The following NUTM1 variants were observed in gnomAD, a reference collection of about 807,000 sequenced individuals.
The protein encoded by NUTM1 is NUT family member 1.
NUTM1 carries 39 observed loss-of-function variants against 88.7 expected under a neutral mutation model. The observed-to-expected ratio is 0.44, with a 90% CI of 0.34 to 0.57. The LOEUF (loss-of-function observed/expected upper bound fraction) is 0.57, where lower values mean the gene tolerates loss of function less well. NUTM1 is among the 20% of genes least tolerant of loss of function. The probability of loss-of-function intolerance (pLI) is 0.01; values close to 1 mark genes in which losing one functional copy is unlikely to be tolerated. For missense variants in NUTM1, 1,350 were observed against 1,414.5 expected (o/e 0.95, Z 0.73); for synonymous variants, 494 against 538.0 (o/e 0.92, Z 1.13).
Position 34,343,382 on chromosome 15 carries a change from A to G in NUTM1, c.-315A>G. 1 of 607,786 alleles carries G rather than the reference A, an allele frequency of 1.6e-6. No individual in the cohort carries two copies. Among genetic ancestry groups the G allele is most frequent in the Non-Finnish European group, 2.9e-6 (1 of 345,330 alleles). 37.6% of individuals were successfully genotyped at this position (607,786 alleles called of 1,614,324 possible). ...GGATGTGGATAGAATATTGACGTAT[A>G]GAAGCCTGTCTTTGTCTCAAGATAC... On this transcript the variant is annotated 5_prime_UTR_variant, in exon 1 of 8. It adds an upstream start codon to the 5' untranslated region. Coordinates refer to ENST00000537011, the MANE Select transcript of NUTM1 (RefSeq NM_001284292.2).
intron 4 of NUTM1, among the ~76,000 whole-genome samples, chr15:34,352,574 G>A (rs1030058824): frequency 1.3e-5 from 2 of 151,274 alleles, no homozygotes; most frequent in African/African-American, 2.4e-5. Context: ...TGAGGCGGGC[G>A]GATCATGAAG....
In NUTM1 at chr15:34,355,876, T is replaced by C. The variant is rs985686071; in HGVS notation, c.1868T>C (p.Leu623Pro). 2.5e-6 allele frequency: 4 copies of C among 1,613,620 alleles called. No individual in the cohort carries two copies. The African/African-American group carries it at 5.3e-5, about 22-fold the overall frequency. The change falls in exon 8 of 8, where the codon CTA (leucine) becomes CCA (proline). Residue 623 changes from leucine (L) to proline (P), a missense_variant. Physicochemically the swap from Leu to Pro is moderately conservative, Grantham distance 98. Around this residue, in one of 5 missense-constraint regions of NUTM1, gnomAD observed 730 missense variants for 728.8 expected, o/e 1.00. Transcript: ENST00000537011. This position sits in a 1 kb window ranked among gnomAD's most constrained non-coding sequence, Gnocchi z 4.3. ...GSGKVINQVS[L>P]HQDGHLGGAG... is the part of the protein sequence containing the mutation. ...GGGAAGGTTATAAACCAGGTATCTC[T>C]ACATCAGGATGGCCATCTAGGAGGC... is the stretch of plus-strand genomic sequence containing the variant.
rs768253745 is a variant in NUTM1, at chr15:34,356,465, A to C, written c.2457A>C (p.Thr819=). 5 of 1,612,876 alleles carry C rather than the reference A, an allele frequency of 3.1e-6. No individual in the cohort carries two copies. In the South Asian group the frequency reaches 3.3e-5, roughly 11 times the overall value. ...TESSVIPCGG[T]VAAAALEKRN... ...GCAGTGTGATTCCCTGTGGAGGCAC[A>C]GTTGCGGCAGCTGCCCTAGAAAAGA... Residue 819 remains threonine, a synonymous_variant, in exon 8 of 8, where the codon ACA becomes ACC. Transcript: ENST00000537011.
Position 34,343,424 on chromosome 15 carries a change from C to T in NUTM1, c.-273C>T, listed in dbSNP as rs1956401512. On this transcript the variant is annotated 5_prime_UTR_variant, in exon 1 of 8. The change creates a premature stop within an existing upstream ORF in the 5' untranslated region. Coordinates refer to ENST00000537011, the MANE Select transcript of NUTM1 (RefSeq NM_001284292.2). ...TCAAGATACACACCCATTTCAGGAG[C>T]AGTGAGTTTTCAATGCCTGAAGAAA... 1 of 643,686 alleles carries T rather than the reference C, an allele frequency of 1.6e-6. No homozygotes were observed. The allele number at this position is 643,686 out of a possible 1,614,324, so 39.9% of individuals were successfully genotyped here. A position where few individuals can be genotyped will look rare whatever the true frequency, so the allele number is the denominator to read the frequency against.
chr15:34,355,859 T>C lies in NUTM1; in HGVS notation c.1851T>C (p.Val617=), dbSNP rs759847785. ...TGGAGAGGAGAGGGTCTGGGAAGGT[T>C]ATAAACCAGGTATCTCTACATCAGG... is the stretch of plus-strand genomic sequence containing the variant. ...LGVERRGSGK[V]INQVSLHQDG... is the part of the protein sequence containing the mutation. Residue 617 remains valine (V), a synonymous_variant, in exon 8 of 8, where the codon GTT becomes GTC. Coordinates refer to ENST00000537011, the MANE Select transcript of NUTM1 (RefSeq NM_001284292.2). The surrounding 1 kb of genome is among the most constrained non-coding windows in gnomAD (Gnocchi z 4.3). 1.2e-6 allele frequency: 2 copies of C among 1,613,872 alleles called. No individual in the cohort carries two copies. The highest frequency in any genetic ancestry group is 1.7e-6 in the Non-Finnish European group (2 of 1,179,984).
chr15:34,354,183 C>T (rs1890757333), intron 5 of NUTM1, among the ~76,000 whole-genome samples: 1 of 151,960 alleles, frequency 6.6e-6, no homozygotes, highest in Admixed American at 6.6e-5. Context: ...TCAGGGATTC[C>T]AAAATTCCTC....
chr15:34,355,645 G>A lies in NUTM1; in HGVS notation c.1637G>A (p.Gly546Glu). 6.2e-7 allele frequency: 1 copy of A among 1,610,370 alleles called. No individual in the cohort carries two copies. Among genetic ancestry groups the A allele is most frequent in the East Asian group, 2.2e-5 (1 of 44,844 alleles). ...CCCTCACCTGGGCTTCAGGGGGCTG[G>A]GGGCGCCGCTTGCCTTGGAAAGGTT... ...LRPSPGLQGA[G>E]GAACLGKVSS... The change falls in exon 8 of 8, where the codon GGG (glycine) becomes GAG (glutamate). Residue 546 changes from glycine to glutamate, a missense_variant. Around this residue, in one of 5 missense-constraint regions of NUTM1, gnomAD observed 126 missense variants for 189.8 expected, o/e 0.66. Coordinates refer to ENST00000537011, the MANE Select transcript of NUTM1 (RefSeq NM_001284292.2). The surrounding 1 kb of genome is among the most constrained non-coding windows in gnomAD (Gnocchi z 4.3).
rs1423150482 is a variant in NUTM1, at chr15:34,355,454, C to T, written c.1480-34C>T. On this transcript the variant is annotated intron_variant, in intron 7 of 7. Transcript: ENST00000537011. The surrounding 1 kb of genome is among the most constrained non-coding windows in gnomAD (Gnocchi z 4.3). ...CACTCAGCCACCTCTTTCACAACCA[C>T]GTATAGAACTGACTATTTGTTCATT... 8 of 1,612,254 alleles carry T rather than the reference C, an allele frequency of 5.0e-6. No homozygotes were observed. The highest frequency in any genetic ancestry group is 1.1e-5 in the South Asian group (1 of 90,880).
Position 34,343,336 on chromosome 15 carries a change from G to T in NUTM1, c.-361G>T. The T allele has an allele frequency of 1.6e-6, 1 of 619,128 alleles. No homozygotes were observed. 38.4% of individuals were successfully genotyped at this position (619,128 alleles called of 1,614,324 possible). A position where few individuals can be genotyped will look rare whatever the true frequency, so the allele number is the denominator to read the frequency against. ...GTCCCTACTGTGTGCTAGGTACACGGCGTTAGAGGGGGGTAGGGATGGATG... is the reference window on the plus strand; with the variant it reads ...GTCCCTACTGTGTGCTAGGTACACGTCGTTAGAGGGGGGTAGGGATGGATG... On this transcript the variant is annotated 5_prime_UTR_variant, in exon 1 of 8. Transcript: ENST00000537011.
chr15:34,353,960 G>A (rs1450826068), intron 5 of NUTM1, 88 bp downstream of exon 5: 1 of 1,446,246 alleles, frequency 6.9e-7, no homozygotes, highest in African/African-American at 1.4e-5. Context: ...AGAAGGCATA[G>A]CCCAGGCTCT....
Position 34,356,393 on chromosome 15 carries a change from C to T in NUTM1, c.2385C>T (p.Asn795=). The change falls in exon 8 of 8, where the codon AAC becomes AAT. Residue 795 remains asparagine, a synonymous_variant. Transcript: ENST00000537011. The part of the protein sequence containing the change: ...EGCQGLGSRG[N]ISLGPGETLV... Reference sequence around the variant, plus strand: ...GCCAGGGACTGGGCTCCAGGGGCAACATTTCCCTGGGTCCTGGAGAAACCC... The same window carrying T: ...GCCAGGGACTGGGCTCCAGGGGCAATATTTCCCTGGGTCCTGGAGAAACCC... The T allele has an allele frequency of 6.2e-7, 1 of 1,612,386 alleles. No homozygotes were observed.
Position 34,343,343 on chromosome 15 carries a change from A to AG in NUTM1, c.-348dup. The AG allele has an allele frequency of 1.6e-6, 1 of 616,034 alleles. No individual in the cohort carries two copies. The highest frequency in any genetic ancestry group is 2.9e-6 in the Non-Finnish European group (1 of 346,450). 38.2% of individuals were successfully genotyped at this position (616,034 alleles called of 1,614,324 possible). On this transcript the variant is annotated 5_prime_UTR_variant, in exon 1 of 8. Coordinates refer to ENST00000537011, the MANE Select transcript of NUTM1 (RefSeq NM_001284292.2). ...CTGTGTGCTAGGTACACGGCGTTAG[A>AG]GGGGGGTAGGGATGGATGTGGATAG...
At position 34,356,364 on chromosome 15, in the gene NUTM1, G is replaced by A; in HGVS notation, c.2356G>A (p.Gly786Ser). ...VEKCVTEYQE[G>S]CQGLGSRGNI... ...GAAGTGTGTAACTGAGTATCAGGAAGGCTGCCAGGGACTGGGCTCCAGGGG... is the reference window on the plus strand; with the variant it reads ...GAAGTGTGTAACTGAGTATCAGGAAAGCTGCCAGGGACTGGGCTCCAGGGG... Residue 786 changes from glycine (G) to serine (S), a missense_variant, in exon 8 of 8, where the codon GGC becomes AGC. Gly to Ser is a moderately conservative substitution (Grantham distance 56). Around this residue, in one of 5 missense-constraint regions of NUTM1, gnomAD observed 730 missense variants for 728.8 expected, o/e 1.00. Transcript: ENST00000537011. 2 of 1,613,838 alleles carry A rather than the reference G, an allele frequency of 1.2e-6. No individual in the cohort carries two copies. The highest frequency in any genetic ancestry group is 1.1e-5 in the South Asian group (1 of 91,012).
rs1223550796 is a variant in NUTM1, at chr15:34,355,653, G to A, written c.1645G>A (p.Ala549Thr). 1.9e-6 allele frequency: 3 copies of A among 1,608,854 alleles called. No individual in the cohort carries two copies. Among genetic ancestry groups the A allele is most frequent in the Admixed American group, 1.7e-5 (1 of 59,002 alleles). ...SPGLQGAGGA[A>T]CLGKVSSSGK... ...TGGGCTTCAGGGGGCTGGGGGCGCCGCTTGCCTTGGAAAGGTTTCTTCTTC... is the reference window on the plus strand; with the variant it reads ...TGGGCTTCAGGGGGCTGGGGGCGCCACTTGCCTTGGAAAGGTTTCTTCTTC... Residue 549 changes from alanine to threonine, a missense_variant, in exon 8 of 8, where the codon GCT (alanine) becomes ACT (threonine). Transcript: ENST00000537011. The surrounding 1 kb of genome is among the most constrained non-coding windows in gnomAD (Gnocchi z 4.3).
At chr15:34,345,016 T>TAA (rs11461274) in intron 1 of NUTM1, among the ~76,000 whole-genome samples, 7 of 149,802 alleles carry the variant, frequency 4.7e-5, no homozygotes, top group East Asian at 3.9e-4. Context: ...AGACTCTGTT[T>TAA]AAAAAAAAAA....
At position 34,354,456 on chromosome 15, in the gene NUTM1, G is replaced by A. The variant is rs542448390; in HGVS notation, c.1086G>A (p.Pro362=). 157 of 1,613,840 alleles carry A rather than the reference G, an allele frequency of 9.7e-5. No homozygotes were observed. Among genetic ancestry groups the A allele is most frequent in the Middle Eastern group, 8.4e-4 (5 of 5,932 alleles). Reference sequence around the variant, plus strand: ...CATCTCTTCCCTTAGTGTACATTCCGAAGAAGGCAGCCTCCAAGACACGGG... The same window carrying A: ...CATCTCTTCCCTTAGTGTACATTCCAAAGAAGGCAGCCTCCAAGACACGGG... The part of the protein sequence containing the change: ...SEVCQQPVYI[P]KKAASKTRAP... Residue 362 remains proline, a synonymous_variant, in exon 6 of 8, where the codon CCG becomes CCA. Transcript: ENST00000537011.
Position 34,355,957 on chromosome 15 carries a change from T to C in NUTM1, c.1949T>C (p.Leu650Pro). 6.2e-7 allele frequency: 1 copy of C among 1,614,156 alleles called. No individual in the cohort carries two copies. Among genetic ancestry groups the C allele is most frequent in the Non-Finnish European group, 8.5e-7 (1 of 1,180,004 alleles). ...GATAGGACTTCAGAGGCTCTGCCCC[T>C]TTGTTGGCAGGGAGGCTTCCAGCCT... ...VADRTSEALP[L>P]CWQGGFQPES... is the part of the protein sequence containing the mutation. The change falls in exon 8 of 8, where the codon CTT becomes CCT. Residue 650 changes from leucine (L) to proline (P), a missense_variant. Around this residue, in one of 5 missense-constraint regions of NUTM1, gnomAD observed 730 missense variants for 728.8 expected, o/e 1.00. Transcript: ENST00000537011. This position sits in a 1 kb window ranked among gnomAD's most constrained non-coding sequence, Gnocchi z 4.3.
At chr15:34,347,496 A>G (rs894187733) in intron 2 of NUTM1, among the ~76,000 whole-genome samples, 1 of 152,144 alleles carries the variant, frequency 6.6e-6, no homozygotes, top group South Asian at 2.1e-4. Flanking sequence ...GGAGTCAAGC[A>G]ATCCTTCCAC....
In NUTM1 at chr15:34,357,566, GC is replaced by G. The variant is rs753966804; in HGVS notation, c.*78del. The G allele has an allele frequency of 6.2e-7, 1 of 1,605,842 alleles. No individual in the cohort carries two copies. Among genetic ancestry groups the G allele is most frequent in the Non-Finnish European group, 8.5e-7 (1 of 1,179,682 alleles). On this transcript the variant is annotated 3_prime_UTR_variant, in exon 8 of 8. Coordinates refer to ENST00000537011, the MANE Select transcript of NUTM1 (RefSeq NM_001284292.2). The stretch of plus-strand genomic sequence containing the variant: ...CCCCAGAGTAGATTCCACCCCTGCT[GC>G]CCACCAATGGAGAATCCCAATGTTG...
Sources: gnomAD v4.1 joint callset for allele counts (sites outside exome capture counted in the v4.1 genomes callset) on GRCh38, gnomAD v4.1.1 for gene constraint, gnomAD v4.1.1 regional missense constraint, Gnocchi (gnomAD v3.1) non-coding constraint, MANE v1.5 for transcripts, NCBI Gene and HGNC (gene_info 2026-07-23, HGNC 2026-07-21) for gene names.